Variants in FOXO3B observed in about 807,000 individuals in gnomAD.
FOXO3B encodes forkhead box protein O3B.
A neutral mutation model predicts 21.9 loss-of-function variants in FOXO3B; 15 were observed. That is an observed-to-expected ratio of 0.68 (90% CI 0.46 to 1.05). The LOEUF (loss-of-function observed/expected upper bound fraction) is 1.05. Ranked by LOEUF, FOXO3B falls within the 50% of genes least tolerant of loss-of-function variation. The pLI is 0.00. For synonymous variants in FOXO3B, 135 were observed against 213.6 expected, an observed-to-expected ratio of 0.63 and a Z score of 3.21; for missense variants, 293 against 435.5, an observed-to-expected ratio of 0.67 and a Z score of 2.91.
At chr17:18,676,259 C>G (rs1167387533) in intron 3 of FOXO3B, among the ~76,000 whole-genome samples, 1 of 152,206 alleles carries the variant, frequency 6.6e-6, no homozygotes, top group Admixed American at 6.5e-5. Context: ...GATAACTCAA[C>G]TGTTGGCAGT....
chr17:18,671,355 T>A lies in FOXO3B; in HGVS notation c.*954A>T. On this transcript the variant is annotated 3_prime_UTR_variant, in exon 4 of 4. Transcript: ENST00000395675. ...GTTCTGATTGACCACACTTCCCTGG[T>A]TAGGCTGGGCAGCAAAGGACATCAT... 6.2e-7 allele frequency: 1 copy of A among 1,613,640 alleles called. No individual in the cohort carries two copies. Among genetic ancestry groups the A allele is most frequent in the Non-Finnish European group, 8.5e-7 (1 of 1,179,826 alleles).
intron 3 of FOXO3B, among the ~76,000 whole-genome samples, chr17:18,674,352 G>A (rs1567890608): frequency 2.6e-5 from 4 of 151,358 alleles, no homozygotes; most frequent in Admixed American, 2.0e-4. Context: ...ATTGCTGGAC[G>A]CAGTGGCTCA....
In FOXO3B at chr17:18,670,111, C is replaced by G. The variant is rs2151733898; in HGVS notation, c.*2198G>C. ...ACAGGAGATCACAGGCCCTACTGAT[C>G]TGGCACCCGTAGACCTGGTGCTGGG... On this transcript the variant is annotated 3_prime_UTR_variant, in exon 4 of 4. Coordinates refer to ENST00000395675, the MANE Select transcript of FOXO3B (RefSeq NM_001368135.1). Among the ~76,000 whole-genome samples the G allele has an allele frequency of 6.6e-6, 1 of 152,240 alleles. No individual in the cohort carries two copies. Among genetic ancestry groups the G allele is most frequent in the South Asian group, 2.1e-4 (1 of 4,822 alleles).
At position 18,669,199 on chromosome 17, in the gene FOXO3B, C is replaced by T. The variant is rs1012299157; in HGVS notation, c.*3110G>A. The T allele has an allele frequency of 1.6e-4, 22 of 139,338 alleles. No homozygotes were observed. Among genetic ancestry groups the T allele is most frequent in the Admixed American group, 1.1e-3 (15 of 13,732 alleles). 8.6% of individuals were successfully genotyped at this position (139,338 alleles called of 1,614,324 possible). On this transcript the variant is annotated 3_prime_UTR_variant, in exon 4 of 4. Transcript: ENST00000395675. ...CCCCAGAGGAGTTATAAAGCCAAGGCGCACAAGGGGGCCCCTGGTGGCCGG... is the reference window on the plus strand; with the variant it reads ...CCCCAGAGGAGTTATAAAGCCAAGGTGCACAAGGGGGCCCCTGGTGGCCGG...
In FOXO3B at chr17:18,670,804, T is replaced by G; in HGVS notation, c.*1505A>C. 1 of 1,228,306 alleles carries G rather than the reference T, an allele frequency of 8.1e-7. No individual in the cohort carries two copies. The highest frequency in any genetic ancestry group is 1.4e-5 in the South Asian group (1 of 70,808). 76.1% of individuals were successfully genotyped at this position (1,228,306 alleles called of 1,614,324 possible). A position where few individuals can be genotyped will look rare whatever the true frequency, so the allele number is the denominator to read the frequency against. Reference sequence around the variant, plus strand: ...GGTGTTAAGCTGTAAACGGTATCACTGTCCACTTGCTGAGAGCAGATTTGG... The same window carrying G: ...GGTGTTAAGCTGTAAACGGTATCACGGTCCACTTGCTGAGAGCAGATTTGG... On this transcript the variant is annotated 3_prime_UTR_variant, in exon 4 of 4. Transcript: ENST00000395675.
chr17:18,672,657 G>A lies in FOXO3B; in HGVS notation c.525C>T (p.Ser175=). The A allele has an allele frequency of 6.6e-7, 1 of 1,510,868 alleles. No homozygotes were observed. Among genetic ancestry groups the A allele is most frequent in the Admixed American group, 2.1e-5 (1 of 46,626 alleles). 93.6% of individuals were successfully genotyped at this position (1,510,868 alleles called of 1,614,324 possible). A position where few individuals can be genotyped will look rare whatever the true frequency, so the allele number is the denominator to read the frequency against. Residue 175 remains serine, a synonymous_variant, in exon 4 of 4, where the codon TCC becomes TCT. Coordinates refer to ENST00000395675, the MANE Select transcript of FOXO3B (RefSeq NM_001368135.1). This position sits in a 1 kb window ranked among gnomAD's most constrained non-coding sequence, Gnocchi z 4.2. ...GGACCGAGTCCTCAAGGAGCAGCCC[G>A]GAGACCAGCGTGCGGCTCCCGCCGC... is the stretch of plus-strand genomic sequence containing the variant. The part of the protein sequence containing the change: ...GGGGGSRTLV[S]GLLLEDSVRV...
chr17:18,680,917 G>A (rs1187968790), intron 2 of FOXO3B, 88 bp from the exon 3 acceptor site: 320 of 1,348,728 alleles, frequency 2.4e-4, no homozygotes, highest in African/African-American at 2.2e-3. Context: ...CATACTATAT[G>A]TGCTGCCTAC....
In FOXO3B at chr17:18,672,018, C is replaced by T; in HGVS notation, c.*291G>A. 6.2e-7 allele frequency: 1 copy of T among 1,611,930 alleles called. No homozygotes were observed. Among genetic ancestry groups the T allele is most frequent in the Non-Finnish European group, 8.5e-7 (1 of 1,179,008 alleles). Reference sequence around the variant, plus strand: ...GTGAACGGAAGTCCGTCCACGCATCCAGCTCATCACTGCTGCGTGACGTGG... The same window carrying T: ...GTGAACGGAAGTCCGTCCACGCATCTAGCTCATCACTGCTGCGTGACGTGG... On this transcript the variant is annotated 3_prime_UTR_variant, in exon 4 of 4. Coordinates refer to ENST00000395675, the MANE Select transcript of FOXO3B (RefSeq NM_001368135.1). This position sits in a 1 kb window ranked among gnomAD's most constrained non-coding sequence, Gnocchi z 4.2.
Position 18,672,209 on chromosome 17 carries a change from C to T in FOXO3B, c.*100G>A, listed in dbSNP as rs897123260. On this transcript the variant is annotated 3_prime_UTR_variant, in exon 4 of 4. Transcript: ENST00000395675. This position sits in a 1 kb window ranked among gnomAD's most constrained non-coding sequence, Gnocchi z 4.2. ...CGGGGGGCTTTTCCGCTCTTCCCCC[C>T]ATCAGGGTTGATGATCCACCAAGAG... 1.9e-6 allele frequency: 3 copies of T among 1,613,728 alleles called. No individual in the cohort carries two copies. The highest frequency in any genetic ancestry group is 4.5e-5 in the East Asian group (2 of 44,852).
At chr17:18,674,527 G>A (rs1485436412) in intron 3 of FOXO3B, among the ~76,000 whole-genome samples, 8 of 149,666 alleles carry the variant, frequency 5.3e-5, no homozygotes, top group Non-Finnish European at 7.4e-5. Flanking sequence ...TCAGGAGGCC[G>A]AGGCAGGAGA....
chr17:18,680,739 A>G lies in FOXO3B; in HGVS notation c.126+2T>C. 1 of 1,613,926 alleles carries G rather than the reference A, an allele frequency of 6.2e-7. No homozygotes were observed. On this transcript the variant is annotated splice_donor_variant, in intron 3 of 3. Coordinates refer to ENST00000395675, the MANE Select transcript of FOXO3B (RefSeq NM_001368135.1). LOFTEE classifies it high-confidence loss of function. ...ATTCCAATAATCAGCAGACTCACTC[A>G]CCTGGGATCTGGCCGTGAGGCGCAG...
intron 3 of FOXO3B, among the ~76,000 whole-genome samples, chr17:18,679,426 T>C (rs990429019): frequency 1.3e-5 from 2 of 148,570 alleles, no homozygotes; most frequent in Non-Finnish European, 3.0e-5. Flanking sequence ...ACACACATCA[T>C]GGAAAGCTCC....
chr17:18,670,941 G>A lies in FOXO3B; in HGVS notation c.*1368C>T. 1 of 1,467,684 alleles carries A rather than the reference G, an allele frequency of 6.8e-7. No homozygotes were observed. 90.9% of individuals were successfully genotyped at this position (1,467,684 alleles called of 1,614,324 possible). On this transcript the variant is annotated 3_prime_UTR_variant, in exon 4 of 4. Coordinates refer to ENST00000395675, the MANE Select transcript of FOXO3B (RefSeq NM_001368135.1). ...CCAGCTCTGAGATGAGGCCTGCTTA[G>A]CACCAGTGAAGTTCCCCACGTTCAA... is the stretch of plus-strand genomic sequence containing the variant.
intron 3 of FOXO3B, among the ~76,000 whole-genome samples, chr17:18,676,706 G>GTT (rs60380931): frequency 7.0e-6 from 1 of 143,380 alleles, no homozygotes; most frequent in African/African-American, 2.5e-5. Context: ...TTTGCTTTTT[G>GTT]TTTTTTTTTT....
chr17:18,677,280 C>T, intron 3 of FOXO3B: 1 of 1,613,212 alleles, frequency 6.2e-7, no homozygotes, highest in Non-Finnish European at 8.5e-7. Flanking sequence ...CCGCATGAAA[C>T]TCCTGCTGGG....
rs1338112630 is a variant in FOXO3B at position 18,673,007 on chromosome 17, G to C, written c.175C>G (p.His59Asp). Reference protein sequence around the residue: ...APGSRSLRGVHVPPPLHPAPA... With the variant: ...APGSRSLRGVDVPPPLHPAPA... ...GCGGGGTGCAGCGGGGGAGGGACGT[G>C]GACGCCGCGAAGGCTCCGGCTCCCG... The change falls in exon 4 of 4, where the codon CAC becomes GAC. Residue 59 changes from histidine (H) to aspartate (D), a missense_variant. This residue lies in a region of FOXO3B where 251 missense variants were observed against 404.0 expected (regional missense o/e 0.62). Coordinates refer to ENST00000395675, the MANE Select transcript of FOXO3B (RefSeq NM_001368135.1). 6.8e-7 allele frequency: 1 copy of C among 1,466,820 alleles called. No individual in the cohort carries two copies. The highest frequency in any genetic ancestry group is 1.5e-5 in the African/African-American group (1 of 66,570). 90.9% of individuals were successfully genotyped at this position (1,466,820 alleles called of 1,614,324 possible). A position where few individuals can be genotyped will look rare whatever the true frequency, so the allele number is the denominator to read the frequency against.
In FOXO3B at chr17:18,680,799, T is replaced by C. The variant is rs990476807; in HGVS notation, c.68A>G (p.Gln23Arg). 9 of 1,612,174 alleles carry C rather than the reference T, an allele frequency of 5.6e-6. No homozygotes were observed. The highest frequency in any genetic ancestry group is 5.4e-5 in the African/African-American group (4 of 74,318). ...VLSSQDSPHF[Q>R]EKSTEEGEVA... ...TTCTCCCTCTTCTGTGCTCTTCTCT[T>C]GGAAATGGGGAGAATCCTGGGAAGA... is the stretch of plus-strand genomic sequence containing the variant. The change falls in exon 3 of 4, where the codon CAA (glutamine) becomes CGA (arginine). Residue 23 changes from glutamine (Q) to arginine (R), a missense_variant. Transcript: ENST00000395675.
At position 18,667,865 on chromosome 17, in the gene FOXO3B, T is replaced by C. The variant is rs3955984; in HGVS notation, c.*4444A>G. 6.6e-6 allele frequency: 1 copy of C among 152,196 alleles called. No homozygotes were observed. The highest frequency in any genetic ancestry group is 1.9e-4 in the East Asian group (1 of 5,192). The allele number at this position is 152,196 out of a possible 1,614,324, so 9.4% of individuals were successfully genotyped here. Reference sequence around the variant, plus strand: ...TAGAGCAGCTTATTTAGAGGCCAAGTGTGGCCTCGGATAGTTCTCATCATA... The same window carrying C: ...TAGAGCAGCTTATTTAGAGGCCAAGCGTGGCCTCGGATAGTTCTCATCATA... On this transcript the variant is annotated 3_prime_UTR_variant, in exon 4 of 4. Coordinates refer to ENST00000395675, the MANE Select transcript of FOXO3B (RefSeq NM_001368135.1).
At position 18,670,580 on chromosome 17, in the gene FOXO3B, A is replaced by C. The variant is rs28723483; in HGVS notation, c.*1729T>G. On this transcript the variant is annotated 3_prime_UTR_variant, in exon 4 of 4. Transcript: ENST00000395675. The stretch of plus-strand genomic sequence containing the variant: ...TATTAAAACACCACAGAATGGCCGA[A>C]GAGGGCTCACGGTGTGCTCTGAACG... Among the ~76,000 whole-genome samples, 12,408 of 152,244 alleles carry C rather than the reference A, an allele frequency of 0.082. 1,681 individuals are homozygous for C. Among genetic ancestry groups the C allele is most frequent in the African/African-American group, 0.28 (11,562 of 41,478 alleles).
Sources: gnomAD v4.1 joint callset for allele counts (sites outside exome capture counted in the v4.1 genomes callset) on GRCh38, gnomAD v4.1.1 for gene constraint, gnomAD v4.1.1 regional missense constraint, Gnocchi (gnomAD v3.1) non-coding constraint, MANE v1.5 for transcripts, NCBI Gene and HGNC (gene_info 2026-07-23, HGNC 2026-07-21) for gene names.